Variants in CCDC138 observed in about 807,000 individuals in gnomAD.
The protein encoded by CCDC138 is coiled-coil domain-containing protein 138.
A neutral mutation model predicts 82.3 loss-of-function variants in CCDC138; 66 were observed. The ratio of observed to expected loss-of-function variants is 0.80; its 90% CI spans 0.66 to 0.98. The LOEUF (loss-of-function observed/expected upper bound fraction) is 0.98, where lower values mean the gene tolerates loss of function less well. Among genes scored for constraint, CCDC138 ranks in the 50% least tolerant of loss-of-function variants. The probability of loss-of-function intolerance (pLI) is 0.00; values close to 1 mark genes in which losing one functional copy is unlikely to be tolerated. For missense variants in CCDC138, 816 were observed against 758.9 expected, an observed-to-expected ratio of 1.08 and a Z score of -0.88; for synonymous variants, 297 against 265.4, an observed-to-expected ratio of 1.12 and a Z score of -1.16.
At chr2:108,810,896 C>G (rs1683690572) in intron 7 of CCDC138, among the ~76,000 whole-genome samples, 1 of 152,070 alleles carries the variant, frequency 6.6e-6, no homozygotes, top group Non-Finnish European at 1.5e-5. Context: ...TCTGTTTCTT[C>G]TTGGTTCAGT....
chr2:108,875,532 A>G (rs1695904668), intron 14 of CCDC138, among the ~76,000 whole-genome samples: 1 of 152,090 alleles, frequency 6.6e-6, no homozygotes, highest in East Asian at 1.9e-4. Flanking sequence ...CACGCTCTCT[A>G]ATAGTGAATA....
chr2:108,872,366 T>G (rs1695404548), intron 13 of CCDC138, among the ~76,000 whole-genome samples: 1 of 152,172 alleles, frequency 6.6e-6, no homozygotes, highest in Non-Finnish European at 1.5e-5. Context: ...CCTCGGTAAA[T>G]TATGTTTAGA....
intron 12 of CCDC138, among the ~76,000 whole-genome samples, chr2:108,854,435 A>G (rs1033274121): frequency 2.6e-5 from 4 of 152,014 alleles, no homozygotes; most frequent in Non-Finnish European, 5.9e-5. Context: ...TTATTTTTTA[A>G]TGAGAGAATT....
rs77579298 is a variant in CCDC138, at chr2:108,883,351, T to G, written c.*44+560T>G. The G allele has an allele frequency of 1.2e-4, 18 of 152,374 alleles. No individual in the cohort carries two copies. The East Asian group carries it at 3.5e-3, about 29-fold the overall frequency. The allele number at this position is 152,374 out of a possible 1,614,324, so 9.4% of individuals were successfully genotyped here. On this transcript the variant is annotated intron_variant, in intron 2 of 2. Transcript: ENST00000608781. ...TGGGACCAGTGACAAGAATGTGCAC[T>G]ATTTACTGAGCACTCACCTGCACGG... is the stretch of plus-strand genomic sequence containing the variant.
At chr2:108,868,295 C>G (rs1248070653) in intron 13 of CCDC138, among the ~76,000 whole-genome samples, 2 of 152,094 alleles carry the variant, frequency 1.3e-5, no homozygotes, top group Admixed American at 6.5e-5. Flanking sequence ...CCCCTTTTTC[C>G]TTATTACTGA....
At chr2:108,836,245 G>C (rs1662581824) in intron 10 of CCDC138, among the ~76,000 whole-genome samples, 1 of 152,106 alleles carries the variant, frequency 6.6e-6, no homozygotes. Flanking sequence ...CATATGGATG[G>C]AATCATAATA....
In CCDC138 at chr2:108,787,712, T is replaced by G. The variant is rs574647729; in HGVS notation, c.94-320T>G. Among the ~76,000 whole-genome samples the G allele has an allele frequency of 3.4e-5, 5 of 148,782 alleles. No homozygotes were observed. In the South Asian group the frequency reaches 1.1e-3, roughly 32 times the overall value. On this transcript the variant is annotated intron_variant, in intron 1 of 14. Transcript: ENST00000295124. ...ACAGCCTTTGTTTTCTGTAAGGTTG[T>G]TTTTTTTTTGAGAAGTGTAAGAATT...
chr2:108,803,652 G>A (rs1328910479), intron 6 of CCDC138, among the ~76,000 whole-genome samples: 9 of 152,088 alleles, frequency 5.9e-5, no homozygotes, highest in Non-Finnish European at 1.2e-4. Context: ...CCACCCTGAG[G>A]CAAAATGTTG....
chr2:108,804,743 C>A, intron 6 of CCDC138, 146 bp from the exon 7 acceptor site: 1 of 561,634 alleles, frequency 1.8e-6, no homozygotes, highest in South Asian at 6.7e-5. Context: ...AAATTACTTG[C>A]CACACTAGTC....
Position 108,791,674 on chromosome 2 carries a change from GC to G in CCDC138, c.268del (p.Leu90Ter), listed in dbSNP as rs748455713. 1 of 1,603,662 alleles carries G rather than the reference GC, an allele frequency of 6.2e-7. No homozygotes were observed. Among genetic ancestry groups the G allele is most frequent in the Non-Finnish European group, 8.5e-7 (1 of 1,174,016 alleles). ...GSLFKHVNVN[C>X]LDDELDSFHD... The stretch of plus-strand genomic sequence containing the variant: ...GCTGTGATACAATTATTTTTTTAAA[GC>G]CTAGATGATGAACTGGATTCTTTCC... On this transcript the variant is annotated frameshift_variant and splice_region_variant, in exon 4 of 15. Coordinates refer to ENST00000295124, the MANE Select transcript of CCDC138 (RefSeq NM_144978.3). LOFTEE classifies it high-confidence loss of function.
At chr2:108,832,032 T>A (rs1217295973) in intron 10 of CCDC138, among the ~76,000 whole-genome samples, 1 of 150,474 alleles carries the variant, frequency 6.6e-6, no homozygotes, top group Non-Finnish European at 1.5e-5. Context: ...CACGCACAGC[T>A]TTTTTTCTCT....
chr2:108,829,661 G>T (rs1028505062), intron 10 of CCDC138, among the ~76,000 whole-genome samples: 1 of 152,182 alleles, frequency 6.6e-6, no homozygotes, highest in African/African-American at 2.4e-5. Flanking sequence ...CATGGGAATC[G>T]CTTGAACCTG....
intron 7 of CCDC138, among the ~76,000 whole-genome samples, chr2:108,811,447 T>C (rs1324892435): frequency 4.6e-5 from 7 of 151,922 alleles, no homozygotes; most frequent in Non-Finnish European, 8.8e-5. Flanking sequence ...GGTCTTATTG[T>C]GTTGCTGAGG....
At chr2:108,805,108 G>C in intron 7 of CCDC138, 100 bp downstream of exon 7, 1 of 529,252 alleles carries the variant, frequency 1.9e-6, no homozygotes, top group African/African-American at 2.0e-5. Context: ...TTCAGCTAGA[G>C]AAAATTTGGA....
At chr2:108,798,685 C>T in intron 6 of CCDC138, 99 bp downstream of exon 6, 14 of 836,344 alleles carry the variant, frequency 1.7e-5, no homozygotes, top group South Asian at 3.5e-5. Context: ...ATTTCTCCTT[C>T]CCTTCCTCCT....
chr2:108,864,597 A>C (rs1694123918), intron 13 of CCDC138, among the ~76,000 whole-genome samples: 1 of 152,132 alleles, frequency 6.6e-6, no homozygotes, highest in African/African-American at 2.4e-5. Flanking sequence ...GGAGATCGAG[A>C]GCAGCCTGGC....
chr2:108,812,472 C>T (rs11890197), intron 7 of CCDC138, 159 bp from the exon 8 acceptor site: 2,550 of 161,106 alleles, frequency 0.016, 76 homozygotes, highest in African/African-American at 0.058. Flanking sequence ...TAGGGAAAAA[C>T]GACAACTTCA....
At chr2:108,864,368 G>A (rs1435170377) in intron 13 of CCDC138, among the ~76,000 whole-genome samples, 2 of 152,094 alleles carry the variant, frequency 1.3e-5, no homozygotes, top group African/African-American at 4.8e-5. Context: ...TGTTTAAAAG[G>A]TAACACATTC....
intron 4 of CCDC138, among the ~76,000 whole-genome samples, chr2:108,793,183 C>G (rs1407358662): frequency 1.3e-5 from 2 of 148,608 alleles, no homozygotes; most frequent in African/African-American, 5.0e-5. Context: ...CGGTGAAACC[C>G]TGTCTCTACT....
Sources: allele counts gnomAD v4.1 joint callset (sites outside exome capture counted in the v4.1 genomes callset), GRCh38; gene constraint gnomAD v4.1.1; transcripts MANE v1.5; gene names NCBI Gene and HGNC (gene_info 2026-07-23, HGNC 2026-07-21).